The following PCNX2 variants were observed in gnomAD, a reference collection of about 807,000 sequenced individuals.
The protein encoded by PCNX2 is pecanex 2.
In PCNX2, 168 loss-of-function variants were observed where a neutral mutation model predicts 223.8. The observed-to-expected ratio is 0.75, with a 90% CI of 0.66 to 0.85. The LOEUF (loss-of-function observed/expected upper bound fraction) is 0.85. Among genes scored for constraint, PCNX2 ranks in the 40% least tolerant of loss-of-function variants. The pLI is 0.00. For synonymous variants in PCNX2, 1,006 were observed against 1,052.6 expected (o/e 0.96, Z 0.86); for missense variants, 2,507 against 2,675.5 (o/e 0.94, Z 1.39).
At chr1:233,003,595 G>A (rs1408366510) in intron 28 of PCNX2, among the ~76,000 whole-genome samples, 2 of 152,182 alleles carry the variant, frequency 1.3e-5, no homozygotes, top group African/African-American at 4.8e-5. Context: ...ACAGTGTGGC[G>A]ATTCCTCAAG....
chr1:233,054,445 G>A lies in PCNX2; in HGVS notation c.4174C>T (p.His1392Tyr), dbSNP rs1672115983. The change falls in exon 25 of 34, where the codon CAC becomes TAC. Residue 1392 changes from histidine to tyrosine, a missense_variant. His to Tyr is a moderately conservative substitution (Grantham distance 83). Coordinates refer to ENST00000258229, the MANE Select transcript of PCNX2 (RefSeq NM_014801.4). Reference protein sequence around the residue: ...DNNLNSIFYEHLTRTLQESLC... With the variant: ...DNNLNSIFYEYLTRTLQESLC... ...GACTCCTGGAGGGTCCTTGTCAAGT[G>A]TTCATAAAAAATGGAATTGAGATTG... 15 of 1,613,590 alleles carry A rather than the reference G, an allele frequency of 9.3e-6. No homozygotes were observed. The highest frequency in any genetic ancestry group is 1.3e-5 in the Non-Finnish European group (15 of 1,179,756).
chr1:233,255,652 C>T (rs773038086), intron 5 of PCNX2, among the ~76,000 whole-genome samples: 2 of 152,062 alleles, frequency 1.3e-5, no homozygotes, highest in South Asian at 2.1e-4. Context: ...AATCCTAAGG[C>T]GCTTTGTGAA....
chr1:233,085,492 C>T (rs909306558), intron 23 of PCNX2, among the ~76,000 whole-genome samples: 1 of 152,166 alleles, frequency 6.6e-6, no homozygotes, highest in Non-Finnish European at 1.5e-5. Flanking sequence ...TTTTTCCAAA[C>T]ATGACTGCTA....
intron 22 of PCNX2, 92 bp downstream of exon 22, chr1:233,095,662 TA>T (rs1232442380): frequency 1.8e-5 from 21 of 1,174,298 alleles, no homozygotes; most frequent in Non-Finnish European, 2.4e-5. Context: ...TTATAGACTT[TA>T]AAATCTTTTT....
intron 25 of PCNX2, among the ~76,000 whole-genome samples, chr1:233,026,886 G>A (rs934765125): frequency 6.6e-6 from 1 of 152,180 alleles, no homozygotes; most frequent in Admixed American, 6.5e-5. Flanking sequence ...CTGGATTAAG[G>A]AATCTGAAGC....
At chr1:233,314,346 G>GC in the PCNX2 span, among the ~76,000 whole-genome samples, 1 of 152,120 alleles carries the variant, frequency 6.6e-6, no homozygotes. Context: ...AGTAAACAGT[G>GC]TGGGGGAGAA....
chr1:233,320,369 GTGTA>G, the PCNX2 span, among the ~76,000 whole-genome samples: 1 of 152,056 alleles, frequency 6.6e-6, no homozygotes, highest in African/African-American at 2.4e-5. Context: ...GTGTGTGTGT[GTGTA>G]TATTTAGTTC....
At chr1:233,185,380 A>G (rs1680036781) in intron 15 of PCNX2, among the ~76,000 whole-genome samples, 1 of 152,146 alleles carries the variant, frequency 6.6e-6, no homozygotes, top group Admixed American at 6.5e-5. Flanking sequence ...CAGCCTCCAC[A>G]GCCCTGAATT....
intron 23 of PCNX2, among the ~76,000 whole-genome samples, chr1:233,070,899 T>TC (rs1672825182): frequency 6.6e-6 from 1 of 152,012 alleles, no homozygotes; most frequent in African/African-American, 2.4e-5. Flanking sequence ...TAGCCAGGTT[T>TC]GGTGGCGGGC....
At chr1:233,160,101 A>G in intron 19 of PCNX2, 182 bp downstream of exon 19, 1 of 621,200 alleles carries the variant, frequency 1.6e-6, no homozygotes, top group Non-Finnish European at 2.7e-6. Context: ...CATATACTCT[A>G]AGGTACACGT....
chr1:233,124,248 A>G (rs1675973453), intron 21 of PCNX2, among the ~76,000 whole-genome samples: 1 of 152,204 alleles, frequency 6.6e-6, no homozygotes, highest in South Asian at 2.1e-4. Flanking sequence ...TACGGATGGG[A>G]TGCCGTAGGG....
rs113798349 is a variant in PCNX2 at position 233,291,713 on chromosome 1, G to A, written c.153+3613C>T. 771 of 984,548 alleles carry A rather than the reference G, an allele frequency of 7.8e-4. 8 individuals are homozygous for A. The African/African-American group carries it at 0.012, about 16-fold the overall frequency. The allele number at this position is 984,548 out of a possible 1,614,324, so 61.0% of individuals were successfully genotyped here. ...GCCAGAATCATGCCCATATGCCCCT[G>A]CTGTAAAGAACACTCTGCTCTGAAT... On this transcript the variant is annotated intron_variant, in intron 1 of 33. Coordinates refer to ENST00000258229, the MANE Select transcript of PCNX2 (RefSeq NM_014801.4).
chr1:233,062,864 C>T (rs1339976134), intron 23 of PCNX2, among the ~76,000 whole-genome samples: 1 of 151,974 alleles, frequency 6.6e-6, no homozygotes, highest in Non-Finnish European at 1.5e-5. Context: ...CAACTTTGTG[C>T]CAATAAATTT....
intron 21 of PCNX2, among the ~76,000 whole-genome samples, chr1:233,105,508 TA>T (rs1674716132): frequency 6.6e-6 from 1 of 152,122 alleles, no homozygotes; most frequent in African/African-American, 2.4e-5. Flanking sequence ...CTGATTAACC[TA>T]AAACAGAAGA....
At chr1:233,033,286 C>T (rs1671333526) in intron 25 of PCNX2, 2 of 787,018 alleles carry the variant, frequency 2.5e-6, no homozygotes, top group Non-Finnish European at 3.1e-6. Flanking sequence ...AAAAGGTATA[C>T]ATAGTATGAA....
At chr1:233,006,623 T>C (rs1670294430) in intron 28 of PCNX2, among the ~76,000 whole-genome samples, 1 of 152,114 alleles carries the variant, frequency 6.6e-6, no homozygotes, top group Non-Finnish European at 1.5e-5. Context: ...TAATGAACCT[T>C]GGGATGCAGA....
intron 22 of PCNX2, among the ~76,000 whole-genome samples, chr1:233,092,990 G>A (rs544723652): frequency 4.4e-4 from 67 of 152,100 alleles, no homozygotes; most frequent in East Asian, 9.7e-4. Context: ...TAGTAGAGAC[G>A]GGGTTTCACC....
At chr1:233,127,710 C>T (rs1392535134) in intron 21 of PCNX2, among the ~76,000 whole-genome samples, 1 of 152,148 alleles carries the variant, frequency 6.6e-6, no homozygotes, top group Admixed American at 6.5e-5. Flanking sequence ...GTTTTCTCAC[C>T]TTTAAAATGA....
chr1:233,276,491 C>T (rs1329173144), intron 1 of PCNX2, among the ~76,000 whole-genome samples: 1 of 152,162 alleles, frequency 6.6e-6, no homozygotes, highest in East Asian at 1.9e-4. Flanking sequence ...TTATATACAT[C>T]TTATCACAAT....
Sources: gnomAD v4.1 joint callset for allele counts (sites outside exome capture counted in the v4.1 genomes callset) on GRCh38, gnomAD v4.1.1 for gene constraint, MANE v1.5 for transcripts, NCBI Gene and HGNC (gene_info 2026-07-23, HGNC 2026-07-21) for gene names.